USP12: variants seen among roughly 807,000 people sequenced by gnomAD.
USP12 encodes ubiquitin specific peptidase 12.
Under a neutral mutation model 45.5 loss-of-function variants are expected in USP12, and 19 were observed. The observed-to-expected ratio is 0.42, with a 90% CI of 0.29 to 0.61. USP12 has a LOEUF of 0.61. Ranked by LOEUF, USP12 falls within the 20% of genes least tolerant of loss-of-function variation. The probability of loss-of-function intolerance (pLI) is 0.22; values close to 1 mark genes in which losing one functional copy is unlikely to be tolerated. For missense variants in USP12, 242 were observed against 447.7 expected (o/e 0.54, Z 4.15); for synonymous variants, 149 against 148.8 (o/e 1.00, Z -0.01).
intron 1 of USP12, among the ~76,000 whole-genome samples, chr13:27,141,869 A>G (rs983551368): frequency 1.3e-5 from 2 of 152,104 alleles, no homozygotes; most frequent in African/African-American, 4.8e-5. Flanking sequence ...CCTGATCTCA[A>G]CTGATGAGTT....
At chr13:27,112,185 G>C (rs1028165491) in intron 2 of USP12, among the ~76,000 whole-genome samples, 3 of 152,036 alleles carry the variant, frequency 2.0e-5, no homozygotes, top group Admixed American at 6.6e-5. Context: ...CTGCAAAAAG[G>C]GGGTAATACA....
intron 6 of USP12, among the ~76,000 whole-genome samples, chr13:27,087,071 G>C (rs1475941019): frequency 2.0e-5 from 3 of 152,100 alleles, no homozygotes; most frequent in Non-Finnish European, 4.4e-5. Flanking sequence ...AGGCAGGAGA[G>C]GGGGAAGTCA....
At chr13:27,086,191 A>ATATATATGT (rs1555233222) in intron 6 of USP12, among the ~76,000 whole-genome samples, 1 of 72,582 alleles carries the variant, frequency 1.4e-5, no homozygotes, top group Non-Finnish European at 2.7e-5. Flanking sequence ...AAAAAAAAAA[A>ATATATATGT]AAAAAAATAT....
intron 3 of USP12, among the ~76,000 whole-genome samples, chr13:27,100,648 C>T (rs1358744359): frequency 6.6e-6 from 1 of 152,166 alleles, no homozygotes; most frequent in Non-Finnish European, 1.5e-5. Context: ...CTTTATCTCT[C>T]ACTCACCCAC....
intron 6 of USP12, among the ~76,000 whole-genome samples, chr13:27,088,620 A>G (rs1844522094): frequency 6.6e-6 from 1 of 152,128 alleles, no homozygotes; most frequent in Non-Finnish European, 1.5e-5. Context: ...TGGTAGGCAG[A>G]GGGTACCTAC....
chr13:27,138,665 C>T (rs897287180), intron 1 of USP12, among the ~76,000 whole-genome samples: 1 of 152,176 alleles, frequency 6.6e-6, no homozygotes, highest in Non-Finnish European at 1.5e-5. Context: ...ACTGGTTTCA[C>T]TTCAAGATGG....
At position 27,095,698 on chromosome 13, in the gene USP12, T is replaced by C. The variant is rs1874545224; in HGVS notation, c.476A>G (p.Asp159Gly). ...TGGTGTGCTGTTATTATTTTCATTA[T>C]CAATATTACCATTAGGTAAACGACC... ...QNGRLPNGNIDNENNNSTPDP... is the reference protein window; with the variant it reads ...QNGRLPNGNIGNENNNSTPDP... Residue 159 changes from aspartate to glycine, a missense_variant, in exon 4 of 9, where the codon GAT (aspartate) becomes GGT (glycine). Transcript: ENST00000282344. The C allele has an allele frequency of 1.2e-6, 2 of 1,613,142 alleles. No individual in the cohort carries two copies. The highest frequency in any genetic ancestry group is 1.3e-5 in the African/African-American group (1 of 74,920).
intron 1 of USP12, among the ~76,000 whole-genome samples, chr13:27,134,426 A>T (rs1565999427): frequency 6.6e-6 from 1 of 152,210 alleles, no homozygotes; most frequent in Non-Finnish European, 1.5e-5. Context: ...GGAAAAATAA[A>T]ATTTCAATGA....
chr13:27,097,070 C>G (rs1874613391), intron 3 of USP12, among the ~76,000 whole-genome samples: 1 of 150,160 alleles, frequency 6.7e-6, no homozygotes. Flanking sequence ...AAAAGAAAAC[C>G]AAACTGGACA....
Position 27,129,393 on chromosome 13 carries a change from C to T in USP12, c.49-12797G>A, listed in dbSNP as rs1876389712. Among the ~76,000 whole-genome samples the T allele has an allele frequency of 1.3e-5, 2 of 152,248 alleles. No individual in the cohort carries two copies. Among genetic ancestry groups the T allele is most frequent in the Non-Finnish European group, 2.9e-5 (2 of 68,056 alleles). On this transcript the variant is annotated intron_variant, in intron 1 of 8. Transcript: ENST00000282344. The surrounding 1 kb of genome is among the most constrained non-coding windows in gnomAD (Gnocchi z 4.0). ...AAATAAAAACCATTCTTAGTAACCACACCATCAACAGCTCATAAAATGACA... is the reference window on the plus strand; with the variant it reads ...AAATAAAAACCATTCTTAGTAACCATACCATCAACAGCTCATAAAATGACA...
In USP12 at chr13:27,066,964, T is replaced by A. The variant is rs1436884605; in HGVS notation, c.*2319A>T. On this transcript the variant is annotated 3_prime_UTR_variant, in exon 9 of 9. Coordinates refer to ENST00000282344, the MANE Select transcript of USP12 (RefSeq NM_182488.4). ...AACATTTTACTTAGATCCAGCTGCA[T>A]TAAGAAGAAAAAGTAAATGTAAAAC... The A allele has an allele frequency of 6.6e-6, 1 of 152,122 alleles. No individual in the cohort carries two copies. Among genetic ancestry groups the A allele is most frequent in the African/African-American group, 2.4e-5 (1 of 41,424 alleles). The allele number at this position is 152,122 out of a possible 1,614,324, so 9.4% of individuals were successfully genotyped here. A position where few individuals can be genotyped will look rare whatever the true frequency, so the allele number is the denominator to read the frequency against.
At chr13:27,163,552 T>C (rs1263550289) in intron 1 of USP12, among the ~76,000 whole-genome samples, 1 of 152,008 alleles carries the variant, frequency 6.6e-6, no homozygotes, top group Non-Finnish European at 1.5e-5. Context: ...TGCATTTGTT[T>C]TATACGTCCA....
chr13:27,074,547 A>G (rs940080494), intron 7 of USP12, among the ~76,000 whole-genome samples: 6 of 152,254 alleles, frequency 3.9e-5, no homozygotes, highest in African/African-American at 1.4e-4. Context: ...CTTTAAAATT[A>G]TTAAAGGAAA....
At chr13:27,107,895 G>C (rs1593188062) in intron 2 of USP12, among the ~76,000 whole-genome samples, 1 of 152,124 alleles carries the variant, frequency 6.6e-6, no homozygotes, top group Admixed American at 6.5e-5. Flanking sequence ...AGGTGCTGGA[G>C]AGGATGTGGA....
At chr13:27,101,814 C>T (rs1335973245) in intron 3 of USP12, among the ~76,000 whole-genome samples, 3 of 152,126 alleles carry the variant, frequency 2.0e-5, no homozygotes, top group Non-Finnish European at 2.9e-5. Flanking sequence ...ATATATTTAA[C>T]AGGTATTATT....
intron 1 of USP12, among the ~76,000 whole-genome samples, chr13:27,155,699 C>A (rs1481208214): frequency 6.6e-6 from 1 of 152,112 alleles, no homozygotes; most frequent in Non-Finnish European, 1.5e-5. Flanking sequence ...ACTACTTTGT[C>A]AAGTTTTAGT....
intron 1 of USP12, among the ~76,000 whole-genome samples, chr13:27,171,092 C>CACCCCTCCCGGGG (rs1173651091): frequency 1.3e-5 from 2 of 151,360 alleles, no homozygotes; most frequent in East Asian, 4.0e-4. Context: ...CGCCGACCCC[C>CACCCCTCCCGGGG]ACCCCTCCCG....
At chr13:27,095,349 TC>T (rs1874527929) in intron 4 of USP12, among the ~76,000 whole-genome samples, 1 of 152,198 alleles carries the variant, frequency 6.6e-6, no homozygotes, top group Non-Finnish European at 1.5e-5. Context: ...TTCTATGGCC[TC>T]CTAAACTGAA....
rs558825499 is a variant in USP12 at position 27,167,508 on chromosome 13, T to C, written c.48+4084A>G. 1.7e-3 allele frequency among the ~76,000 whole-genome samples: 260 copies of C among 152,134 alleles called. 1 individual carries two copies. Among genetic ancestry groups the C allele is most frequent in the African/African-American group, 5.9e-3 (245 of 41,562 alleles). On this transcript the variant is annotated intron_variant, in intron 1 of 8. Coordinates refer to ENST00000282344, the MANE Select transcript of USP12 (RefSeq NM_182488.4). ...ACATTCCTTTGACCAAACATTTATG[T>C]AATAGAAGATTCCTTATTTTTGAGG...
Sources: allele counts gnomAD v4.1 joint callset (sites outside exome capture counted in the v4.1 genomes callset), GRCh38; gene constraint gnomAD v4.1.1; non-coding constraint Gnocchi (gnomAD v3.1); transcripts MANE v1.5; gene names NCBI Gene and HGNC (gene_info 2026-07-23, HGNC 2026-07-21).